The following SLC27A1 variants were observed in gnomAD, a reference collection of about 807,000 sequenced individuals.
SLC27A1 encodes the protein solute carrier family 27 member 1.
Under a neutral mutation model 62.2 loss-of-function variants are expected in SLC27A1, and 61 were observed. The ratio of observed to expected loss-of-function variants is 0.98; its 90% CI spans 0.80 to 1.21. SLC27A1 has a LOEUF of 1.21. SLC27A1 is among the 50% of genes most tolerant of loss of function. The pLI, the probability that SLC27A1 is intolerant of heterozygous loss-of-function variation, is 0.00. For synonymous variants in SLC27A1, 435 were observed against 408.6 expected (o/e 1.06, Z -0.78); for missense variants, 903 against 932.1 (o/e 0.97, Z 0.41).
rs534931650 is a variant in SLC27A1 at position 17,497,547 on chromosome 19, T to A, written c.1206+83T>A. 3.0e-5 allele frequency: 38 copies of A among 1,272,156 alleles called. 1 individual carries two copies. The African/African-American group carries it at 5.4e-4, about 18-fold the overall frequency. 78.8% of individuals were successfully genotyped at this position (1,272,156 alleles called of 1,614,324 possible). A position where few individuals can be genotyped will look rare whatever the true frequency, so the allele number is the denominator to read the frequency against. ...CTCTTCCTGGGGCCCCTGGGATACA[T>A]AAAACAGCCTGGACTGGCGCGGAAG... On this transcript the variant is annotated intron_variant, in intron 7 of 11. Transcript: ENST00000252595.
At chr19:17,501,703 T>C (rs2075415730) in intron 11 of SLC27A1, among the ~76,000 whole-genome samples, 1 of 148,128 alleles carries the variant, frequency 6.8e-6, no homozygotes, top group Non-Finnish European at 1.5e-5. Context: ...CTTGGGAGGC[T>C]GAGGCAGGAG....
upstream of SLC27A1, chr19:17,470,432 A>G (rs1599633933): frequency 7.9e-7 from 1 of 1,258,006 alleles, no homozygotes; most frequent in East Asian, 3.2e-5. Flanking sequence ...CGCAGAGCCG[A>G]GGCCTGGGGG....
chr19:17,504,684 A>G lies in SLC27A1; in HGVS notation c.*72A>G. ...CAGCTTGAGCCAGACAGCGCTGCCC[A>G]GGGGTGGCCGCCTAGTACACACCCA... On this transcript the variant is annotated 3_prime_UTR_variant, in exon 12 of 12. Transcript: ENST00000252595. The G allele has an allele frequency of 6.3e-7, 1 of 1,594,004 alleles. No individual in the cohort carries two copies. Among genetic ancestry groups the G allele is most frequent in the Admixed American group, 1.7e-5 (1 of 58,068 alleles).
chr19:17,500,875 A>G lies in SLC27A1; in HGVS notation c.1635A>G (p.Pro545=). ...TGGCCGTCTATGGGGTGGCTGTTCCAGGCAAGCTGGGGTTGCAGGGGGTGG... is the reference window on the plus strand; with the variant it reads ...TGGCCGTCTATGGGGTGGCTGTTCCGGGCAAGCTGGGGTTGCAGGGGGTGG... The part of the protein sequence containing the change: ...TDVAVYGVAV[P]GVEGKAGMAA... The change falls in exon 10 of 12, where the codon CCA becomes CCG. Residue 545 remains proline (P), a splice_region_variant and synonymous_variant. Coordinates refer to ENST00000252595, the MANE Select transcript of SLC27A1 (RefSeq NM_198580.3). 6.2e-7 allele frequency: 1 copy of G among 1,604,876 alleles called. No individual in the cohort carries two copies. Among genetic ancestry groups the G allele is most frequent in the Non-Finnish European group, 8.5e-7 (1 of 1,177,032 alleles).
Position 17,486,945 on chromosome 19 carries a change from G to T in SLC27A1, c.550G>T (p.Glu184Ter). The T allele has an allele frequency of 6.3e-7, 1 of 1,579,576 alleles. No individual in the cohort carries two copies. The highest frequency in any genetic ancestry group is 8.5e-7 in the Non-Finnish European group (1 of 1,170,110). The change falls in exon 2 of 12, where the codon GAA (glutamate) becomes TAA (stop). Residue 184 changes from glutamate to a stop codon, truncating the protein, a stop_gained. Transcript: ENST00000252595. LOFTEE classifies it high-confidence loss of function. This position sits in a 1 kb window ranked among gnomAD's most constrained non-coding sequence, Gnocchi z 6.6. ...CGCTAAGGCCCTGATCTTTGGAGGA[G>T]AAATGGTGGCGGGTGAGGCCAGGCG... ...SGAKALIFGG[E>*]MVAAVAEVSG...
chr19:17,469,296 G>GT (rs1240964646), upstream of SLC27A1, among the ~76,000 whole-genome samples: 1 of 152,144 alleles, frequency 6.6e-6, no homozygotes, highest in Non-Finnish European at 1.5e-5. Context: ...AATGGTGTGA[G>GT]TTGAGCACTC....
At chr19:17,473,700 G>A (rs2075097713) in intron 1 of SLC27A1, among the ~76,000 whole-genome samples, 1 of 152,064 alleles carries the variant, frequency 6.6e-6, no homozygotes, top group African/African-American at 2.4e-5. Flanking sequence ...TGTCTCTACT[G>A]AAAATACAAA....
chr19:17,477,409 T>C (rs1191435856), intron 1 of SLC27A1, among the ~76,000 whole-genome samples: 3 of 150,246 alleles, frequency 2.0e-5, no homozygotes, highest in African/African-American at 7.4e-5. Context: ...GCCTGGCTAC[T>C]TTTTTTGTAT....
chr19:17,502,674 CTTTTG>C (rs1187459690), intron 11 of SLC27A1, among the ~76,000 whole-genome samples: 6 of 151,304 alleles, frequency 4.0e-5, no homozygotes, highest in Admixed American at 2.0e-4. Flanking sequence ...TTTTCTTTTT[CTTTTG>C]TTTTTTTTGT....
At chr19:17,490,308 C>T (rs1047039079) in intron 6 of SLC27A1, among the ~76,000 whole-genome samples, 8 of 151,944 alleles carry the variant, frequency 5.3e-5, no homozygotes, top group South Asian at 2.1e-4. Flanking sequence ...CGCACCACCA[C>T]GCCTGGCCCA....
rs1002796349 is a variant in SLC27A1 at position 17,470,579 on chromosome 19, G to T, written c.39G>T (p.Ser13=). Residue 13 remains serine, a synonymous_variant, in exon 1 of 12, where the codon TCG becomes TCT. Coordinates refer to ENST00000252595, the MANE Select transcript of SLC27A1 (RefSeq NM_198580.3). The part of the protein sequence containing the change: ...APGAGAASVV[S]LALLWLLGLP... Reference sequence around the variant, plus strand: ...GTGCGGGCGCGGCCTCGGTGGTCTCGCTGGCGCTGTTGTGGCTGCTGGGGC... The same window carrying T: ...GTGCGGGCGCGGCCTCGGTGGTCTCTCTGGCGCTGTTGTGGCTGCTGGGGC... The T allele has an allele frequency of 3.2e-6, 5 of 1,571,808 alleles. No individual in the cohort carries two copies. In the African/African-American group the frequency reaches 5.4e-5, roughly 17 times the overall value.
chr19:17,504,900 CTTT>C lies in SLC27A1; in HGVS notation c.*296_*298del, dbSNP rs371367749. On this transcript the variant is annotated 3_prime_UTR_variant, in exon 12 of 12. Coordinates refer to ENST00000252595, the MANE Select transcript of SLC27A1 (RefSeq NM_198580.3). ...CTCTTTTTCTTTTCTTTCTTTCTTT[CTTT>C]TTTTTTTAAGATAGAGTCTCACTCT... 2.2e-3 allele frequency: 1,145 copies of C among 520,078 alleles called. 14 individuals are homozygous for C. Among genetic ancestry groups the C allele is most frequent in the Middle Eastern group, 0.011 (39 of 3,392 alleles). The allele number at this position is 520,078 out of a possible 1,614,324, so 32.2% of individuals were successfully genotyped here.
intron 4 of SLC27A1, among the ~76,000 whole-genome samples, chr19:17,488,188 G>A (rs373648528): frequency 6.6e-6 from 1 of 152,208 alleles, no homozygotes; most frequent in African/African-American, 2.4e-5. Flanking sequence ...GCGAAACCCT[G>A]TCTCTACTAA....
At chr19:17,476,809 T>G (rs527747461) in intron 1 of SLC27A1, among the ~76,000 whole-genome samples, 2 of 151,836 alleles carry the variant, frequency 1.3e-5, no homozygotes, top group Admixed American at 6.6e-5. Context: ...GGACCTATTT[T>G]GGAGGGTGGA....
At chr19:17,471,788 G>A (rs1046768445) in intron 1 of SLC27A1, among the ~76,000 whole-genome samples, 7 of 152,078 alleles carry the variant, frequency 4.6e-5, no homozygotes, top group African/African-American at 1.7e-4. Context: ...CCCTGCCCCC[G>A]GCTCCTTGGT....
chr19:17,497,167 G>C, intron 6 of SLC27A1, 88 bp from the exon 7 acceptor site: 3 of 1,036,304 alleles, frequency 2.9e-6, no homozygotes, highest in Non-Finnish European at 4.2e-6. Context: ...TTAGCTCCCT[G>C]GGTGGGGCGG....
Position 17,500,574 on chromosome 19 carries a change from C to T in SLC27A1, c.1413C>T (p.Ala471=), listed in dbSNP as rs2075399649. The T allele has an allele frequency of 6.2e-7, 1 of 1,613,574 alleles. No homozygotes were observed. ...RRFDGYVSES[A]TSKKIAHSVF... ...TCGATGGCTATGTCAGCGAGAGCGC[C>T]ACCAGCAAGAAGATCGCCCACAGCG... Residue 471 remains alanine, a synonymous_variant, in exon 9 of 12, where the codon GCC becomes GCT. Coordinates refer to ENST00000252595, the MANE Select transcript of SLC27A1 (RefSeq NM_198580.3).
At chr19:17,489,212 T>G in intron 6 of SLC27A1, 95 bp downstream of exon 6, 1 of 1,012,480 alleles carries the variant, frequency 9.9e-7, no homozygotes, top group Non-Finnish European at 1.5e-6. Context: ...TGAGGCCCCG[T>G]ACCTCCCAGC....
At chr19:17,477,715 G>T (rs2075138396) in intron 1 of SLC27A1, among the ~76,000 whole-genome samples, 1 of 150,986 alleles carries the variant, frequency 6.6e-6, no homozygotes. Flanking sequence ...ACCATGCCCG[G>T]CTAATTTTTT....
Sources: allele counts gnomAD v4.1 joint callset (sites outside exome capture counted in the v4.1 genomes callset), GRCh38; gene constraint gnomAD v4.1.1; non-coding constraint Gnocchi (gnomAD v3.1); transcripts MANE v1.5; gene names NCBI Gene and HGNC (gene_info 2026-07-23, HGNC 2026-07-21).